Variants in MAGI2 observed in about 807,000 individuals in gnomAD.
The protein encoded by MAGI2 is membrane associated guanylate kinase, WW and PDZ domain containing 2, also known as membrane-associated guanylate kinase, WW and PDZ domain-containing protein 2.
MAGI2 carries 35 observed loss-of-function variants against 133.3 expected under a neutral mutation model. That is an observed-to-expected ratio of 0.26 (90% CI 0.20 to 0.35). MAGI2 has a LOEUF of 0.35. Among genes scored for constraint, MAGI2 ranks in the 10% least tolerant of loss-of-function variants. MAGI2 has a pLI of 1.00. For synonymous variants in MAGI2, 729 were observed against 710.6 expected (o/e 1.03, Z -0.41); for missense variants, 1,636 against 1,863.4 (o/e 0.88, Z 2.25).
At chr7:78,108,328 G>A (rs771944093) in intron 20 of MAGI2, among the ~76,000 whole-genome samples, 1 of 152,140 alleles carries the variant, frequency 6.6e-6, no homozygotes, top group Non-Finnish European at 1.5e-5. Context: ...CTACTGTGGT[G>A]TGAGAAGATA....
chr7:79,402,068 A>G (rs1380760852), intron 1 of MAGI2, among the ~76,000 whole-genome samples: 2 of 152,152 alleles, frequency 1.3e-5, no homozygotes, highest in Non-Finnish European at 2.9e-5. Context: ...CAAACACATG[A>G]TTCTACAAAA....
At chr7:78,432,329 T>C (rs1021710094) in intron 6 of MAGI2, among the ~76,000 whole-genome samples, 5 of 152,078 alleles carry the variant, frequency 3.3e-5, no homozygotes, top group Non-Finnish European at 7.4e-5. Flanking sequence ...GATATTTAGA[T>C]TGAAATAATT....
intron 1 of MAGI2, among the ~76,000 whole-genome samples, chr7:79,358,175 T>C (rs950878736): frequency 1.3e-5 from 2 of 152,088 alleles, no homozygotes; most frequent in African/African-American, 4.8e-5. Context: ...TTCCTCTTTT[T>C]TTCCCCACCT....
intron 2 of MAGI2, among the ~76,000 whole-genome samples, chr7:78,648,933 CA>C (rs1811199866): frequency 6.6e-6 from 1 of 152,050 alleles, no homozygotes; most frequent in East Asian, 1.9e-4. Context: ...TGCAGGTCTA[CA>C]ACAATTTTCA....
chr7:79,131,018 T>C (rs147342192), intron 1 of MAGI2, among the ~76,000 whole-genome samples: 2 of 152,296 alleles, frequency 1.3e-5, no homozygotes, highest in Non-Finnish European at 2.9e-5. Context: ...ATGGAGCAGG[T>C]ACTAGGCTAG....
intron 21 of MAGI2, among the ~76,000 whole-genome samples, chr7:78,071,272 A>T (rs1814659723): frequency 6.6e-6 from 1 of 151,986 alleles, no homozygotes; most frequent in Admixed American, 6.6e-5. Flanking sequence ...CTGGTGGCTC[A>T]TGCCTGTAAT....
At chr7:78,214,318 C>T (rs1184473137) in intron 10 of MAGI2, among the ~76,000 whole-genome samples, 4 of 152,290 alleles carry the variant, frequency 2.6e-5, no homozygotes, top group African/African-American at 9.6e-5. Flanking sequence ...TTTTCAGTGT[C>T]ATGCTCTTCT....
At chr7:78,948,236 A>G (rs1219171932) in intron 2 of MAGI2, among the ~76,000 whole-genome samples, 1 of 152,088 alleles carries the variant, frequency 6.6e-6, no homozygotes, top group African/African-American at 2.4e-5. Context: ...TTACATTTAT[A>G]CATTTAATAT....
intron 2 of MAGI2, among the ~76,000 whole-genome samples, chr7:78,799,240 G>A (rs967962507): frequency 2.0e-5 from 3 of 152,024 alleles, no homozygotes; most frequent in Non-Finnish European, 4.4e-5. Flanking sequence ...AGCATACAAG[G>A]GGCTGTATAT....
intron 6 of MAGI2, among the ~76,000 whole-genome samples, chr7:78,389,262 A>T (rs1795684235): frequency 6.6e-6 from 1 of 152,210 alleles, no homozygotes; most frequent in Admixed American, 6.5e-5. Context: ...CAGATGCCAC[A>T]AGACAGACTG....
chr7:78,399,057 G>T (rs140376329), intron 6 of MAGI2, among the ~76,000 whole-genome samples: 181 of 152,186 alleles, frequency 1.2e-3, no homozygotes, highest in Non-Finnish European at 1.9e-3. Context: ...ATGAGATTTA[G>T]AATTAATGTG....
chr7:78,891,507 G>A (rs770161799), intron 2 of MAGI2, among the ~76,000 whole-genome samples: 26 of 152,264 alleles, frequency 1.7e-4, no homozygotes, highest in Non-Finnish European at 2.6e-4. Flanking sequence ...AAATCCAGCA[G>A]CACATCAAAA....
rs527975835 is a variant in MAGI2, at chr7:79,112,983, T to TA, written c.302-105778dup. On this transcript the variant is annotated intron_variant, in intron 1 of 21. Transcript: ENST00000354212. ...TTTAAACATTGGGAACATTGAGAAT[T>TA]AAAAAAATAATTTTTAGTAAAAACT... is the stretch of plus-strand genomic sequence containing the variant. Among the ~76,000 whole-genome samples, 22 of 152,334 alleles carry TA rather than the reference T, an allele frequency of 1.4e-4. No individual in the cohort carries two copies. The East Asian group carries it at 3.7e-3, about 25-fold the overall frequency.
chr7:79,037,959 G>C (rs887919650), intron 1 of MAGI2, among the ~76,000 whole-genome samples: 1 of 152,114 alleles, frequency 6.6e-6, no homozygotes, highest in African/African-American at 2.4e-5. Context: ...AAATCTAAAG[G>C]CTTGACTTGG....
intron 1 of MAGI2, among the ~76,000 whole-genome samples, chr7:79,121,417 C>CT (rs1042183436): frequency 3.3e-5 from 5 of 151,830 alleles, no homozygotes; most frequent in African/African-American, 1.2e-4. Flanking sequence ...TCTTTTGTTT[C>CT]TTTTTTCTAA....
At chr7:79,102,905 G>A (rs932080984) in intron 1 of MAGI2, among the ~76,000 whole-genome samples, 2 of 152,140 alleles carry the variant, frequency 1.3e-5, no homozygotes, top group African/African-American at 2.4e-5. Context: ...AAGTAAGGGA[G>A]GTGATCCCAT....
intron 9 of MAGI2, among the ~76,000 whole-genome samples, chr7:78,296,580 C>G (rs568511778): frequency 7.6e-4 from 115 of 152,240 alleles, no homozygotes; most frequent in African/African-American, 2.5e-3. Flanking sequence ...TATGGTATGC[C>G]TTGTACCCAG....
intron 1 of MAGI2, among the ~76,000 whole-genome samples, chr7:79,173,306 A>G (rs1825793403): frequency 6.6e-6 from 1 of 151,684 alleles, no homozygotes; most frequent in Admixed American, 6.6e-5. Flanking sequence ...TTCCCAAATT[A>G]ATTTACTATT....
chr7:78,812,044 G>A (rs2151409559), intron 2 of MAGI2, among the ~76,000 whole-genome samples: 1 of 152,192 alleles, frequency 6.6e-6, no homozygotes, highest in East Asian at 1.9e-4. Flanking sequence ...AACCTTGCTG[G>A]GTTTGACAAT....
Sources: gnomAD v4.1 joint callset for allele counts (sites outside exome capture counted in the v4.1 genomes callset) on GRCh38, gnomAD v4.1.1 for gene constraint, MANE v1.5 for transcripts, NCBI Gene and HGNC (gene_info 2026-07-23, HGNC 2026-07-21) for gene names.